Variants in MILR1 observed in about 807,000 individuals in gnomAD.
The protein encoded by MILR1 is mast cell immunoglobulin like receptor 1.
In MILR1, 31 loss-of-function variants were observed where a neutral mutation model predicts 18.5. The ratio of observed to expected loss-of-function variants is 1.68; its 90% CI spans 1.26 to 2.26. The LOEUF (loss-of-function observed/expected upper bound fraction) is 2.26. MILR1 is among the 30% of genes most tolerant of loss of function. The pLI is 0.00. For synonymous variants in MILR1, 85 were observed against 56.2 expected (o/e 1.51, Z -2.30); for missense variants, 257 against 157.4 (o/e 1.63, Z -3.38).
the MILR1 span, among the ~76,000 whole-genome samples, chr17:64,488,629 G>A: frequency 3.3e-5 from 5 of 152,194 alleles, no homozygotes; most frequent in African/African-American, 1.2e-4. Flanking sequence ...TGAGCTGTTC[G>A]TTAACTATGA....
At chr17:64,453,950 G>A (rs2037233359) in intron 3 of MILR1, among the ~76,000 whole-genome samples, 1 of 151,606 alleles carries the variant, frequency 6.6e-6, no homozygotes, top group African/African-American at 2.4e-5. Context: ...CTTTTTTTGA[G>A]ATGGAGTCTC....
chr17:64,481,556 G>C, the MILR1 span: 1 of 309,674 alleles, frequency 3.2e-6, no homozygotes, highest in Non-Finnish European at 4.7e-6. Context: ...TCTGAATATA[G>C]TCAGTTACCA....
At chr17:64,449,951 T>TTCTTTC (rs2037129262) in intron 2 of MILR1, among the ~76,000 whole-genome samples, 18 of 151,632 alleles carry the variant, frequency 1.2e-4, no homozygotes, top group Middle Eastern at 6.8e-3. Context: ...TCTTTCTTTT[T>TTCTTTC]TTTTTTGAGA....
At chr17:64,463,561 T>G (rs920532356) in intron 5 of MILR1, among the ~76,000 whole-genome samples, 1 of 152,182 alleles carries the variant, frequency 6.6e-6, no homozygotes, top group Non-Finnish European at 1.5e-5. Flanking sequence ...GAGAACCAAT[T>G]GAGAACCATC....
At chr17:64,480,589 G>A in the MILR1 span, among the ~76,000 whole-genome samples, 1 of 152,116 alleles carries the variant, frequency 6.6e-6, no homozygotes, top group Non-Finnish European at 1.5e-5. Context: ...AAGTAATTAA[G>A]CATAGCAAAG....
the MILR1 span, chr17:64,477,775 G>C: frequency 1.3e-6 from 2 of 1,502,706 alleles, no homozygotes; most frequent in Non-Finnish European, 1.8e-6. Flanking sequence ...GTGAACATAA[G>C]ACAACCAAAT....
the MILR1 span, among the ~76,000 whole-genome samples, chr17:64,474,873 A>G: frequency 1.8e-3 from 276 of 151,988 alleles, 1 homozygote; most frequent in African/African-American, 6.5e-3. Flanking sequence ...GAAGGAAATT[A>G]TCAAAGACTA....
chr17:64,471,161 C>T (rs2037682245), downstream of MILR1, among the ~76,000 whole-genome samples: 1 of 151,996 alleles, frequency 6.6e-6, no homozygotes, highest in African/African-American at 2.4e-5. Flanking sequence ...GCCTTCTATG[C>T]ACATCATTTA....
the MILR1 span, chr17:64,492,856 A>G: frequency 6.8e-6 from 11 of 1,611,894 alleles, no homozygotes; most frequent in Non-Finnish European, 9.3e-6. Flanking sequence ...GTTTTTGACT[A>G]TTTAAATACA....
the MILR1 span, among the ~76,000 whole-genome samples, chr17:64,495,469 C>T: frequency 6.6e-6 from 1 of 152,050 alleles, no homozygotes. Flanking sequence ...AGTCCAGCTA[C>T]TTGGGAGGCT....
chr17:64,486,141 C>T, the MILR1 span, among the ~76,000 whole-genome samples: 3 of 152,130 alleles, frequency 2.0e-5, no homozygotes, highest in Non-Finnish European at 2.9e-5. Flanking sequence ...ACTGGGCCCA[C>T]GAAGACGATA....
At chr17:64,493,604 C>T in the MILR1 span, among the ~76,000 whole-genome samples, 178 of 152,134 alleles carry the variant, frequency 1.2e-3, 1 homozygote, top group African/African-American at 4.1e-3. Context: ...CCTGCCTCAG[C>T]CTCCCGAGTA....
At chr17:64,472,465 CAAAAAAAAAAAAAAAAAAA>C (rs71158332), downstream of MILR1, among the ~76,000 whole-genome samples, 6 of 13,916 alleles carry the variant, frequency 4.3e-4, no homozygotes, top group Non-Finnish European at 5.1e-4. Flanking sequence ...GACTCCATCT[CAAAAAAAAAAAAAAAAAAA>C]AAAAAAAAAA....
chr17:64,487,733 G>A, the MILR1 span, among the ~76,000 whole-genome samples: 1 of 152,064 alleles, frequency 6.6e-6, no homozygotes, highest in Non-Finnish European at 1.5e-5. Flanking sequence ...TGGGCACAGT[G>A]ACTCACTCCT....
At chr17:64,482,399 G>A in the MILR1 span, among the ~76,000 whole-genome samples, 2 of 149,566 alleles carry the variant, frequency 1.3e-5, no homozygotes, top group South Asian at 4.2e-4. Flanking sequence ...TCAGCTCACT[G>A]CAACCTCTGC....
At chr17:64,465,372 G>C in intron 5 of MILR1, 80 bp from the exon 6 acceptor site, 1 of 993,254 alleles carries the variant, frequency 1.0e-6, no homozygotes, top group South Asian at 1.4e-5. Flanking sequence ...AACTTTGAGG[G>C]AATTCTGCTC....
chr17:64,480,071 T>C, the MILR1 span, among the ~76,000 whole-genome samples: 1 of 152,254 alleles, frequency 6.6e-6, no homozygotes, highest in Non-Finnish European at 1.5e-5. Context: ...ACATTAAGTC[T>C]TGGAACTACA....
chr17:64,490,467 A>C, the MILR1 span: 3 of 342,064 alleles, frequency 8.8e-6, no homozygotes, highest in Non-Finnish European at 1.7e-5. Context: ...ACTCTTCAAA[A>C]ATGTCAAGGT....
the MILR1 span, chr17:64,481,439 A>G: frequency 2.7e-5 from 27 of 985,018 alleles, 1 homozygote; most frequent in Admixed American, 8.0e-4. Context: ...CGACTGCTGA[A>G]GGAGTCTCTG....
Sources: allele counts gnomAD v4.1 joint callset (sites outside exome capture counted in the v4.1 genomes callset), GRCh38; gene constraint gnomAD v4.1.1; transcripts MANE v1.5; gene names NCBI Gene and HGNC (gene_info 2026-07-23, HGNC 2026-07-21).